EMC10: variants seen among roughly 807,000 people sequenced by gnomAD.
The protein encoded by EMC10 is UPF0510 protein INM02.
EMC10 carries 40 observed loss-of-function variants against 32.2 expected under a neutral mutation model. The observed-to-expected ratio is 1.24, with a 90% CI of 0.96 to 1.61. The LOEUF (loss-of-function observed/expected upper bound fraction) is 1.61. Ranked by LOEUF, EMC10 falls within the 40% of genes most tolerant of loss-of-function variation. The probability of loss-of-function intolerance (pLI) is 0.00; values close to 1 mark genes in which losing one functional copy is unlikely to be tolerated. For missense variants in EMC10, 402 were observed against 357.7 expected, an observed-to-expected ratio of 1.12 and a Z score of -1.00; for synonymous variants, 178 against 158.4, an observed-to-expected ratio of 1.12 and a Z score of -0.93.
chr19:50,478,838 A>C (rs1253385053), intron 2 of EMC10, 119 bp from the exon 3 acceptor site: 1 of 688,910 alleles, frequency 1.5e-6, no homozygotes, highest in African/African-American at 1.8e-5. Flanking sequence ...CCAGATGGGG[A>C]GGGAACCTGG....
intron 6 of EMC10, 89 bp downstream of exon 6, chr19:50,481,066 A>T: frequency 1.0e-6 from 1 of 1,002,292 alleles, no homozygotes. Context: ...AGACTCCCCT[A>T]TGGTGCTCGG....
chr19:50,478,083 C>T lies in EMC10; in HGVS notation c.187+82C>T, dbSNP rs929475582. 23 of 1,158,340 alleles carry T rather than the reference C, an allele frequency of 2.0e-5. 1 individual carries two copies. Among genetic ancestry groups the T allele is most frequent in the Admixed American group, 8.3e-5 (3 of 36,268 alleles). The allele number at this position is 1,158,340 out of a possible 1,614,324, so 71.8% of individuals were successfully genotyped here. On this transcript the variant is annotated intron_variant, in intron 2 of 6. Transcript: ENST00000334976. The stretch of plus-strand genomic sequence containing the variant: ...GACTTGGAGTCTGGGTGCCTCCCGT[C>T]GTATGACATTTACTAACAACCATTT...
At chr19:50,481,471 A>G in intron 6 of EMC10, 1 of 246,130 alleles carries the variant, frequency 4.1e-6, no homozygotes, top group Non-Finnish European at 7.7e-6. Context: ...TTAGAGGCTG[A>G]GGCGTGGGGT....
At position 50,482,585 on chromosome 19, in the gene EMC10, G is replaced by C. The variant is rs1376035124; in HGVS notation, c.*326G>C. On this transcript the variant is annotated 3_prime_UTR_variant, in exon 7 of 7. Coordinates refer to ENST00000334976, the MANE Select transcript of EMC10 (RefSeq NM_206538.4). The stretch of plus-strand genomic sequence containing the variant: ...TTCTGACCTCGCATCCCCCTACCCC[G>C]AGCCCATGCAGTCTGGGAACATGCC... 9.8e-6 allele frequency: 5 copies of C among 507,630 alleles called. No individual in the cohort carries two copies. In the South Asian group the frequency reaches 1.7e-4, roughly 18 times the overall value. The allele number at this position is 507,630 out of a possible 1,614,324, so 31.4% of individuals were successfully genotyped here.
chr19:50,481,054 C>A, intron 6 of EMC10, 77 bp downstream of exon 6: 4 of 1,161,630 alleles, frequency 3.4e-6, no homozygotes, highest in Non-Finnish European at 3.8e-6. Context: ...ATGCTCCCAC[C>A]CAGACTCCCC....
chr19:50,480,141 G>T lies in EMC10; in HGVS notation c.328G>T (p.Val110Phe), dbSNP rs1361584201. 6.2e-7 allele frequency: 1 copy of T among 1,613,068 alleles called. No individual in the cohort carries two copies. Among genetic ancestry groups the T allele is most frequent in the Non-Finnish European group, 8.5e-7 (1 of 1,179,714 alleles). Residue 110 changes from valine (V) to phenylalanine (F), a missense_variant, in exon 4 of 7, where the codon GTC becomes TTC. Physicochemically the swap from Val to Phe is conservative, Grantham distance 50. Transcript: ENST00000334976. This position sits in a 1 kb window ranked among gnomAD's most constrained non-coding sequence, Gnocchi z 4.4. ...GGCAGCCCTGAATGGCCTGTACCGGGTCCGGATCCCAAGGCGACCCGGGGC... is the reference window on the plus strand; with the variant it reads ...GGCAGCCCTGAATGGCCTGTACCGGTTCCGGATCCCAAGGCGACCCGGGGC... ...DVAALNGLYR[V>F]RIPRRPGALD... is the part of the protein sequence containing the mutation.
In EMC10 at chr19:50,483,823, A is replaced by C. The variant is rs977075369; in HGVS notation, c.*1564A>C. 2.0e-5 allele frequency: 3 copies of C among 152,020 alleles called. No individual in the cohort carries two copies. The highest frequency in any genetic ancestry group is 7.3e-5 in the African/African-American group (3 of 41,366). 9.4% of individuals were successfully genotyped at this position (152,020 alleles called of 1,614,324 possible). On this transcript the variant is annotated 3_prime_UTR_variant, in exon 7 of 7. Coordinates refer to ENST00000334976, the MANE Select transcript of EMC10 (RefSeq NM_206538.4). ...GTGATCCACCTGCCTCGGCTTCCCA[A>C]AGTGCTGGGATTACAGGCGTGAGCC...
rs755348740 is a variant in EMC10 at position 50,482,208 on chromosome 19, G to C, written c.738G>C (p.Gly246=). The C allele has an allele frequency of 4.4e-6, 5 of 1,130,128 alleles. No homozygotes were observed. The highest frequency in any genetic ancestry group is 6.6e-6 in the Non-Finnish European group (5 of 753,290). The allele number at this position is 1,130,128 out of a possible 1,614,324, so 70.0% of individuals were successfully genotyped here. A position where few individuals can be genotyped will look rare whatever the true frequency, so the allele number is the denominator to read the frequency against. The change falls in exon 7 of 7, where the codon GGG becomes GGC. Residue 246 remains glycine, a synonymous_variant. Coordinates refer to ENST00000334976, the MANE Select transcript of EMC10 (RefSeq NM_206538.4). ...FLMMSGAPDT[G]GQGGGGGGGG... ...TGATGTCAGGAGCGCCAGACACCGG[G>C]GGCCAGGGTGGGGGTGGGGGTGGGG...
At chr19:50,478,900 G>A in intron 2 of EMC10, 57 bp from the exon 3 acceptor site, 1 of 1,407,588 alleles carries the variant, frequency 7.1e-7, no homozygotes, top group Non-Finnish European at 9.8e-7. Context: ...CCTGGCCCCT[G>A]CCTGGGTTGA....
In EMC10 at chr19:50,484,590, C is replaced by G. The variant is rs1673020; in HGVS notation, c.*2331C>G. On this transcript the variant is annotated 3_prime_UTR_variant, in exon 7 of 7. Coordinates refer to ENST00000334976, the MANE Select transcript of EMC10 (RefSeq NM_206538.4). Reference sequence around the variant, plus strand: ...CTGTTCTTATTAAACTTTTCTTCCCCGTCTGGCCGGTCCTTGGGGAACCCA... The same window carrying G: ...CTGTTCTTATTAAACTTTTCTTCCCGGTCTGGCCGGTCCTTGGGGAACCCA... 0.74 allele frequency: 112,879 copies of G among 152,080 alleles called. 42,819 individuals carry two copies. Among genetic ancestry groups the G allele is most frequent in the African/African-American group, 0.91 (37,980 of 41,512 alleles). 9.4% of individuals were successfully genotyped at this position (152,080 alleles called of 1,614,324 possible).
rs1324014958 is a variant in EMC10 at position 50,484,871 on chromosome 19, CTG to C, written c.*2614_*2615del. 5 of 152,190 alleles carry C rather than the reference CTG, an allele frequency of 3.3e-5. No homozygotes were observed. Among genetic ancestry groups the C allele is most frequent in the African/African-American group, 9.6e-5 (4 of 41,458 alleles). 9.4% of individuals were successfully genotyped at this position (152,190 alleles called of 1,614,324 possible). On this transcript the variant is annotated 3_prime_UTR_variant, in exon 7 of 7. Transcript: ENST00000334976. ...ATGCAGTGGAATCCACGTCCAGAAA[CTG>C]TATGCTCACTCTGGGCTCCAGCACC...
In EMC10 at chr19:50,483,493, A is replaced by C. The variant is rs958915540; in HGVS notation, c.*1234A>C. 5 of 176,114 alleles carry C rather than the reference A, an allele frequency of 2.8e-5. No individual in the cohort carries two copies. Among genetic ancestry groups the C allele is most frequent in the Non-Finnish European group, 6.0e-5 (5 of 82,850 alleles). The allele number at this position is 176,114 out of a possible 1,614,324, so 10.9% of individuals were successfully genotyped here. On this transcript the variant is annotated 3_prime_UTR_variant, in exon 7 of 7. Transcript: ENST00000334976. ...GCAGATCGGAAACGCGTTTATAAAC[A>C]AGTGATGGTTTGTGAGTCGACTGTC...
At position 50,481,176 on chromosome 19, in the gene EMC10, C is replaced by G. The variant is rs111505077; in HGVS notation, c.678+199C>G. On this transcript the variant is annotated intron_variant, in intron 6 of 6. Transcript: ENST00000334976. ...GGAAGTGTGGTCAGGGGAGGTCGGG[C>G]CAGCTCTAGGGCGCAGGGTCCTGGG... 156 of 552,390 alleles carry G rather than the reference C, an allele frequency of 2.8e-4. 2 individuals carry two copies. Among genetic ancestry groups the G allele is most frequent in the African/African-American group, 2.8e-3 (143 of 51,640 alleles). 34.2% of individuals were successfully genotyped at this position (552,390 alleles called of 1,614,324 possible).
In EMC10 at chr19:50,476,549, C is replaced by A; in HGVS notation, c.5C>A (p.Ala2Glu). The stretch of plus-strand genomic sequence containing the variant: ...CGCTGGTGGGAAGAAGCCGAGATGG[C>A]GGCAGCCAGCGCTGGGGCAACCCGG... M[A>E]AASAGATRLL... is the part of the protein sequence containing the mutation. Residue 2 changes from alanine (A) to glutamate (E), a missense_variant, in exon 1 of 7, where the codon GCG (alanine) becomes GAG (glutamate). By Grantham distance (107) the Ala-to-Glu change is moderately radical. Coordinates refer to ENST00000334976, the MANE Select transcript of EMC10 (RefSeq NM_206538.4). 6.4e-7 allele frequency: 1 copy of A among 1,571,950 alleles called. No homozygotes were observed. The highest frequency in any genetic ancestry group is 8.6e-7 in the Non-Finnish European group (1 of 1,164,458).
rs959922785 is a variant in EMC10 at position 50,482,662 on chromosome 19, C to T, written c.*403C>T. 1.0e-5 allele frequency: 5 copies of T among 483,656 alleles called. No homozygotes were observed. Among genetic ancestry groups the T allele is most frequent in the African/African-American group, 8.0e-5 (4 of 49,952 alleles). 30.0% of individuals were successfully genotyped at this position (483,656 alleles called of 1,614,324 possible). ...GTTCCAGGTGGTCTCACCCTCCTGT[C>T]CCTGGCTGGGCTAGGTGGTCCTGTC... On this transcript the variant is annotated 3_prime_UTR_variant, in exon 7 of 7. Coordinates refer to ENST00000334976, the MANE Select transcript of EMC10 (RefSeq NM_206538.4).
intron 6 of EMC10, chr19:50,481,706 C>A: frequency 1.6e-6 from 1 of 641,828 alleles, no homozygotes; most frequent in Non-Finnish European, 2.6e-6. Context: ...CCTGGATAGT[C>A]CAACAGTTGT....
rs1445027522 is a variant in EMC10 at position 50,482,547 on chromosome 19, G to A, written c.*288G>A. 37 of 547,766 alleles carry A rather than the reference G, an allele frequency of 6.8e-5. No homozygotes were observed. The highest frequency in any genetic ancestry group is 1.9e-5 in the African/African-American group (1 of 51,454). The allele number at this position is 547,766 out of a possible 1,614,324, so 33.9% of individuals were successfully genotyped here. On this transcript the variant is annotated 3_prime_UTR_variant, in exon 7 of 7. Coordinates refer to ENST00000334976, the MANE Select transcript of EMC10 (RefSeq NM_206538.4). ...CCATGGAGTAGAGCCCGAGATCCTG[G>A]CCACTATGCCAGTTCTGACCTCGCA...
chr19:50,481,773 T>C, intron 6 of EMC10: 1 of 1,170,968 alleles, frequency 8.5e-7, no homozygotes, highest in Non-Finnish European at 1.2e-6. Flanking sequence ...CCTGCCCTGC[T>C]GCCCACTCGA....
Position 50,482,141 on chromosome 19 carries a change from G to T in EMC10, c.679-8G>T, listed in dbSNP as rs773299551. 1 of 1,562,506 alleles carries T rather than the reference G, an allele frequency of 6.4e-7. No individual in the cohort carries two copies. Among genetic ancestry groups the T allele is most frequent in the East Asian group, 2.2e-5 (1 of 44,592 alleles). On this transcript the variant is annotated splice_region_variant and splice_polypyrimidine_tract_variant and intron_variant, in intron 6 of 6. Coordinates refer to ENST00000334976, the MANE Select transcript of EMC10 (RefSeq NM_206538.4). ...TGTCTGTCTGTCCATCCTTCCGTCC[G>T]GCTGCAGTGGATGTACATCATTCCC...
Sources: gnomAD v4.1 joint callset for allele counts on GRCh38, gnomAD v4.1.1 for gene constraint, Gnocchi (gnomAD v3.1) non-coding constraint, MANE v1.5 for transcripts, NCBI Gene and HGNC (gene_info 2026-07-23, HGNC 2026-07-21) for gene names.